The following CNTNAP2 variants were observed in gnomAD, a reference collection of about 807,000 sequenced individuals.
The protein encoded by CNTNAP2 is contactin-associated protein-like 2.
Under a neutral mutation model 155.2 loss-of-function variants are expected in CNTNAP2, and 98 were observed. The ratio of observed to expected loss-of-function variants is 0.63; its 90% CI spans 0.54 to 0.75. The LOEUF (loss-of-function observed/expected upper bound fraction) is 0.75, where lower values mean the gene tolerates loss of function less well. Among genes scored for constraint, CNTNAP2 ranks in the 30% least tolerant of loss-of-function variants. CNTNAP2 has a pLI of 0.00. For synonymous variants in CNTNAP2, 651 were observed against 631.2 expected (o/e 1.03, Z -0.47); for missense variants, 1,727 against 1,688.1 (o/e 1.02, Z -0.40).
At chr7:146,256,561 T>C (rs1433457005) in intron 1 of CNTNAP2, among the ~76,000 whole-genome samples, 1 of 151,946 alleles carries the variant, frequency 6.6e-6, no homozygotes, top group South Asian at 2.1e-4. Flanking sequence ...TAATACATTT[T>C]AGAATGATAA....
At chr7:146,942,625 C>T (rs1440271820) in intron 3 of CNTNAP2, among the ~76,000 whole-genome samples, 1 of 152,116 alleles carries the variant, frequency 6.6e-6, no homozygotes, top group Non-Finnish European at 1.5e-5. Context: ...GCAAGAATAA[C>T]TTACTGAAAA....
intron 1 of CNTNAP2, among the ~76,000 whole-genome samples, chr7:146,485,996 G>C (rs1797049949): frequency 7.2e-6 from 1 of 139,710 alleles, no homozygotes; most frequent in African/African-American, 2.6e-5. Context: ...GTATCAGTTA[G>C]TAGTACATTC....
At chr7:146,331,031 G>A (rs936077172) in intron 1 of CNTNAP2, among the ~76,000 whole-genome samples, 3 of 152,100 alleles carry the variant, frequency 2.0e-5, no homozygotes, top group African/African-American at 7.2e-5. Context: ...ATGGCCGGGC[G>A]CGGTGGCTCA....
chr7:148,015,106 C>G (rs548960709), intron 15 of CNTNAP2, among the ~76,000 whole-genome samples: 4 of 152,246 alleles, frequency 2.6e-5, no homozygotes, highest in African/African-American at 9.6e-5. Context: ...TTATTTGTAA[C>G]AGCATTGTCC....
intron 8 of CNTNAP2, chr7:147,146,663 T>G (rs1210897465): frequency 1.3e-5 from 2 of 152,418 alleles, no homozygotes; most frequent in South Asian, 2.1e-4. Context: ...GTTGCACAGC[T>G]CATTTGTGAA....
rs148178723 is a variant in CNTNAP2 at position 147,689,379 on chromosome 7, C to G, written c.2098+50073C>G. Among the ~76,000 whole-genome samples, 206 of 152,102 alleles carry G rather than the reference C, an allele frequency of 1.4e-3. 1 individual carries two copies. The highest frequency in any genetic ancestry group is 4.7e-3 in the African/African-American group (196 of 41,500). On this transcript the variant is annotated intron_variant, in intron 13 of 23. Coordinates refer to ENST00000361727, the MANE Select transcript of CNTNAP2 (RefSeq NM_014141.6). The stretch of plus-strand genomic sequence containing the variant: ...TGGCCAGGCTTGTTTGAACTCCTGA[C>G]CTCAAGTGATCCTCCCACCTCAGCC...
intron 1 of CNTNAP2, among the ~76,000 whole-genome samples, chr7:146,617,466 T>A (rs892093186): frequency 9.2e-5 from 14 of 152,232 alleles, no homozygotes; most frequent in African/African-American, 3.4e-4. Context: ...TCTTACTTTT[T>A]CTGAAATACT....
intron 6 of CNTNAP2, chr7:147,122,124 T>C (rs7789408): frequency 0.95 from 144,595 of 151,882 alleles, 68,888 homozygotes; most frequent in East Asian, 1. Flanking sequence ...GGCAGTGAGC[T>C]GAGATTGTGC....
At chr7:146,587,223 C>A (rs1285895868) in intron 1 of CNTNAP2, among the ~76,000 whole-genome samples, 3 of 152,052 alleles carry the variant, frequency 2.0e-5, no homozygotes, top group African/African-American at 7.2e-5. Flanking sequence ...ATACATGGGC[C>A]TGCCTTTTTA....
intron 1 of CNTNAP2, among the ~76,000 whole-genome samples, chr7:146,333,717 T>G (rs1227221118): frequency 6.6e-6 from 1 of 152,204 alleles, no homozygotes; most frequent in Non-Finnish European, 1.5e-5. Context: ...GAAAATTATT[T>G]CTTGCTCATT....
intron 14 of CNTNAP2, among the ~76,000 whole-genome samples, chr7:147,931,598 C>T (rs902372994): frequency 2.0e-5 from 3 of 152,000 alleles, no homozygotes; most frequent in Admixed American, 6.5e-5. Flanking sequence ...TACACCACAA[C>T]CAGGTAGGAA....
intron 11 of CNTNAP2, among the ~76,000 whole-genome samples, chr7:147,526,480 C>G (rs1046436862): frequency 2.0e-5 from 3 of 152,086 alleles, no homozygotes; most frequent in Non-Finnish European, 2.9e-5. Flanking sequence ...AGGATTAAAT[C>G]AGTGAGAAGT....
chr7:146,312,644 A>G (rs905721540), intron 1 of CNTNAP2, among the ~76,000 whole-genome samples: 3 of 152,152 alleles, frequency 2.0e-5, no homozygotes, highest in African/African-American at 7.2e-5. Flanking sequence ...GTCAACATAC[A>G]ATGCATTACA....
intron 4 of CNTNAP2, among the ~76,000 whole-genome samples, chr7:147,053,654 A>C (rs1255143791): frequency 1.3e-5 from 2 of 152,102 alleles, no homozygotes; most frequent in Non-Finnish European, 2.9e-5. Context: ...TATGTCTGTC[A>C]CTCTGAAATA....
At chr7:146,451,847 C>CGTGTATATAA (rs1258913949) in intron 1 of CNTNAP2, among the ~76,000 whole-genome samples, 1 of 83,748 alleles carries the variant, frequency 1.2e-5, no homozygotes, top group Non-Finnish European at 2.8e-5. Context: ...TATATATATA[C>CGTGTATATAA]ACGTATTCTA....
At chr7:148,375,800 C>T (rs1798974525) in intron 21 of CNTNAP2, among the ~76,000 whole-genome samples, 1 of 14,020 alleles carries the variant, frequency 7.1e-5, no homozygotes, top group African/African-American at 1.1e-4. Flanking sequence ...CAAGACCAAC[C>T]TGGCCAAGAT....
chr7:146,163,579 ATC>A (rs144998061), intron 1 of CNTNAP2, among the ~76,000 whole-genome samples: 21,676 of 144,204 alleles, frequency 0.15, 1,775 homozygotes, highest in Middle Eastern at 0.22. Context: ...ATATCTATCT[ATC>A]TATCTATATA....
chr7:148,008,411 G>T (rs1224442638), intron 15 of CNTNAP2, among the ~76,000 whole-genome samples: 8 of 152,044 alleles, frequency 5.3e-5, no homozygotes, highest in African/African-American at 1.9e-4. Flanking sequence ...TTGAAGCATT[G>T]AGATTAAAGT....
chr7:147,110,717 A>G (rs970308038), intron 5 of CNTNAP2, among the ~76,000 whole-genome samples: 1 of 152,152 alleles, frequency 6.6e-6, no homozygotes, highest in Non-Finnish European at 1.5e-5. Context: ...ATTCCTTTTT[A>G]TGGCTGCGTA....
Sources: allele counts gnomAD v4.1 joint callset (sites outside exome capture counted in the v4.1 genomes callset), GRCh38; gene constraint gnomAD v4.1.1; transcripts MANE v1.5; gene names NCBI Gene and HGNC (gene_info 2026-07-23, HGNC 2026-07-21).